MCC: variants seen among roughly 807,000 people sequenced by gnomAD.
MCC encodes the protein colorectal mutant cancer protein.
In MCC, 90 loss-of-function variants were observed where a neutral mutation model predicts 116.2. That is an observed-to-expected ratio of 0.77 (90% CI 0.65 to 0.92). The LOEUF (loss-of-function observed/expected upper bound fraction) is 0.92. Ranked by LOEUF, MCC falls within the 40% of genes least tolerant of loss-of-function variation. The pLI, the probability that MCC is intolerant of heterozygous loss-of-function variation, is 0.00. For missense variants in MCC, 1,516 were observed against 1,312.2 expected (o/e 1.16, Z -2.40); for synonymous variants, 578 against 510.5 (o/e 1.13, Z -1.78).
At chr5:113,047,446 G>A (rs1752170415) in intron 16 of MCC, among the ~76,000 whole-genome samples, 1 of 152,204 alleles carries the variant, frequency 6.6e-6, no homozygotes, top group African/African-American at 2.4e-5. Flanking sequence ...CTCAGCAAGT[G>A]GGAGGTGGAG....
intron 1 of MCC, among the ~76,000 whole-genome samples, chr5:113,408,678 T>C (rs1484272809): frequency 6.6e-6 from 1 of 152,172 alleles, no homozygotes; most frequent in African/African-American, 2.4e-5. Flanking sequence ...GTTTCCCAAG[T>C]TCTCCAGGGT....
At chr5:113,427,882 G>A (rs1195629593) in intron 1 of MCC, among the ~76,000 whole-genome samples, 1 of 152,010 alleles carries the variant, frequency 6.6e-6, no homozygotes, top group Admixed American at 6.6e-5. Flanking sequence ...TAACCTCTCT[G>A]CTAATTCTAG....
chr5:113,391,270 T>C (rs1769394696), intron 1 of MCC, among the ~76,000 whole-genome samples: 1 of 152,180 alleles, frequency 6.6e-6, no homozygotes, highest in Non-Finnish European at 1.5e-5. Flanking sequence ...GCCTAGAATA[T>C]GCAGCAGGGG....
intron 3 of MCC, among the ~76,000 whole-genome samples, chr5:113,264,517 G>A (rs1157783730): frequency 6.6e-6 from 1 of 152,088 alleles, no homozygotes; most frequent in Non-Finnish European, 1.5e-5. Context: ...CTCAATGAGA[G>A]CTATTCTCAT....
At chr5:113,316,255 CAAAA>C (rs61130931) in intron 3 of MCC, among the ~76,000 whole-genome samples, 3 of 111,006 alleles carry the variant, frequency 2.7e-5, no homozygotes, top group African/African-American at 2.9e-5. Context: ...GACTCTGTCT[CAAAA>C]AAAAAAAAAA....
intron 1 of MCC, among the ~76,000 whole-genome samples, chr5:113,468,764 C>T (rs1343422125): frequency 6.6e-6 from 1 of 152,202 alleles, no homozygotes; most frequent in Non-Finnish European, 1.5e-5. Context: ...ATGGTACCAG[C>T]TCCTCTTTGT....
intron 17 of MCC, among the ~76,000 whole-genome samples, chr5:113,039,552 A>T (rs985569844): frequency 7.9e-5 from 12 of 152,342 alleles, no homozygotes; most frequent in African/African-American, 2.9e-4. Context: ...TCTTCAGATA[A>T]ACGAGTGGGC....
rs1475186327 is a variant in MCC at position 113,453,283 on chromosome 5, A to G, written c.170+34962T>C. Among the ~76,000 whole-genome samples, 3 of 152,230 alleles carry G rather than the reference A, an allele frequency of 2.0e-5. No individual in the cohort carries two copies. In the East Asian group the frequency reaches 5.8e-4, roughly 29 times the overall value. On this transcript the variant is annotated intron_variant, in intron 1 of 18. Coordinates refer to ENST00000408903, the MANE Select transcript of MCC (RefSeq NM_001085377.2). ...CACTTCTCTGGGCCCCAGCTTGTACACACACACAACACGTACACACACACA... is the reference window on the plus strand; with the variant it reads ...CACTTCTCTGGGCCCCAGCTTGTACGCACACACAACACGTACACACACACA...
At chr5:113,150,811 C>T (rs1467850774) in intron 4 of MCC, among the ~76,000 whole-genome samples, 1 of 152,126 alleles carries the variant, frequency 6.6e-6, no homozygotes, top group Non-Finnish European at 1.5e-5. Flanking sequence ...CCTGTAATCC[C>T]AGCACTTTAG....
chr5:113,348,395 A>C (rs1194624019), intron 2 of MCC, among the ~76,000 whole-genome samples: 3 of 152,132 alleles, frequency 2.0e-5, no homozygotes. Context: ...TACAACTGGA[A>C]ATCAATAACA....
At chr5:113,031,337 G>A (rs1750938457) in intron 17 of MCC, among the ~76,000 whole-genome samples, 1 of 152,034 alleles carries the variant, frequency 6.6e-6, no homozygotes, top group Non-Finnish European at 1.5e-5. Context: ...ATTTCCTCCC[G>A]GCATTGGAGA....
intron 3 of MCC, among the ~76,000 whole-genome samples, chr5:113,256,853 A>G (rs1223155315): frequency 6.6e-6 from 1 of 152,198 alleles, no homozygotes; most frequent in Non-Finnish European, 1.5e-5. Context: ...ACACCATATC[A>G]GATTTTTGCT....
chr5:113,253,849 T>C lies in MCC; in HGVS notation c.627+86670A>G, dbSNP rs144520629. ...AACAAAAACATCCATATAGAAAAGATTGCATATTGAAGTTAAAAATTCATT... is the reference window on the plus strand; with the variant it reads ...AACAAAAACATCCATATAGAAAAGACTGCATATTGAAGTTAAAAATTCATT... On this transcript the variant is annotated intron_variant, in intron 3 of 18. Coordinates refer to ENST00000408903, the MANE Select transcript of MCC (RefSeq NM_001085377.2). Among the ~76,000 whole-genome samples, 300 of 152,104 alleles carry C rather than the reference T, an allele frequency of 2.0e-3. 1 individual carries two copies. Among genetic ancestry groups the C allele is most frequent in the African/African-American group, 6.9e-3 (288 of 41,492 alleles).
At position 113,064,076 on chromosome 5, in the gene MCC, G is replaced by C; in HGVS notation, c.2121C>G (p.Leu707=). 1.9e-6 allele frequency: 3 copies of C among 1,614,226 alleles called. No individual in the cohort carries two copies. The highest frequency in any genetic ancestry group is 1.7e-6 in the Non-Finnish European group (2 of 1,180,024). ...CCCCACAGCTGCCGTCCAGCTTCAT[G>C]AGCAGGGCCTTGGCAGCGTTCTCAG... ...KTAENAAKAL[L]MKLDGSCGGA... Residue 707 remains leucine (L), a synonymous_variant, in exon 14 of 19, where the codon CTC becomes CTG. Coordinates refer to ENST00000408903, the MANE Select transcript of MCC (RefSeq NM_001085377.2).
intron 6 of MCC, among the ~76,000 whole-genome samples, chr5:113,105,483 T>C (rs556693320): frequency 6.6e-6 from 1 of 152,278 alleles, no homozygotes; most frequent in South Asian, 2.1e-4. Flanking sequence ...CTCCAACCAA[T>C]ACACACAACT....
At chr5:113,279,153 C>G (rs569693611) in intron 3 of MCC, among the ~76,000 whole-genome samples, 12 of 152,078 alleles carry the variant, frequency 7.9e-5, no homozygotes, top group African/African-American at 2.7e-4. Flanking sequence ...CAGTAACTTC[C>G]CAATTCCAAT....
chr5:113,034,410 AAGG>A (rs753429284), intron 17 of MCC, among the ~76,000 whole-genome samples: 16 of 152,302 alleles, frequency 1.1e-4, no homozygotes, highest in Admixed American at 9.2e-4. Context: ...AGCCATCAGT[AAGG>A]AGGTTATATT....
At chr5:113,198,689 C>A (rs1428058168) in intron 3 of MCC, among the ~76,000 whole-genome samples, 1 of 140,642 alleles carries the variant, frequency 7.1e-6, no homozygotes, top group Non-Finnish European at 1.5e-5. Context: ...CTGGGTGACA[C>A]AGCAACACCC....
At chr5:113,267,372 C>T (rs1765459764) in intron 3 of MCC, among the ~76,000 whole-genome samples, 1 of 152,190 alleles carries the variant, frequency 6.6e-6, no homozygotes, top group Non-Finnish European at 1.5e-5. Flanking sequence ...CTCATCTTCT[C>T]TTCAGTGAGG....
Sources: allele counts gnomAD v4.1 joint callset (sites outside exome capture counted in the v4.1 genomes callset), GRCh38; gene constraint gnomAD v4.1.1; transcripts MANE v1.5; gene names NCBI Gene and HGNC (gene_info 2026-07-23, HGNC 2026-07-21).